NUP37: variants seen among roughly 807,000 people sequenced by gnomAD.
The protein encoded by NUP37 is nucleoporin Nup37.
A neutral mutation model predicts 45.4 loss-of-function variants in NUP37; 33 were observed. The ratio of observed to expected loss-of-function variants is 0.73; its 90% confidence interval spans 0.55 to 0.97. The LOEUF (loss-of-function observed/expected upper bound fraction) is 0.97, where lower values mean the gene tolerates loss of function less well. Ranked by LOEUF, NUP37 falls within the 50% of genes least tolerant of loss-of-function variation. The pLI is 0.00. For synonymous variants in NUP37, 127 were observed against 130.7 expected (o/e 0.97, Z 0.19); for missense variants, 365 against 389.7 (o/e 0.94, Z 0.53).
chr12:102,076,674 A>T, intron 8 of NUP37, 123 bp downstream of exon 8: 1 of 692,010 alleles, frequency 1.4e-6, no homozygotes, highest in Non-Finnish European at 2.4e-6. Flanking sequence ...TAAAATAACC[A>T]CTTATAAAAC....
chr12:102,091,134 C>T (rs1031992650), intron 5 of NUP37, among the ~76,000 whole-genome samples: 2 of 152,222 alleles, frequency 1.3e-5, no homozygotes, highest in East Asian at 1.9e-4. Context: ...CTGTGGCTCA[C>T]GCCTGTAATC....
At chr12:102,080,454 T>C (rs1275447591) in intron 6 of NUP37, among the ~76,000 whole-genome samples, 2 of 152,116 alleles carry the variant, frequency 1.3e-5, no homozygotes, top group African/African-American at 4.8e-5. Flanking sequence ...AAAATGATTC[T>C]TTAAGAACAG....
rs1161748310 is a variant in NUP37, at chr12:102,077,497, C to CCATT, written c.543_546dup (p.Val183AsnfsTer13). ...CGGATTGTTCCATTCTTCTCTGCAA[C>CCATT]CATTAGCTGTAAGACAGAAAAATAA... On this transcript the variant is annotated frameshift_variant, in exon 7 of 10. Transcript: ENST00000552283. LOFTEE classifies it high-confidence loss of function. 6.2e-7 allele frequency: 1 copy of CCATT among 1,611,952 alleles called. No homozygotes were observed. The highest frequency in any genetic ancestry group is 1.3e-5 in the African/African-American group (1 of 74,836).
At chr12:102,109,661 G>A (rs972740842) in intron 3 of NUP37, among the ~76,000 whole-genome samples, 3 of 152,138 alleles carry the variant, frequency 2.0e-5, no homozygotes, top group African/African-American at 7.2e-5. Context: ...TACTGAATTT[G>A]TATAGTTCCA....
intron 4 of NUP37, 35 bp from the exon 5 acceptor site, chr12:102,099,235 A>C (rs1368609660): frequency 1.4e-6 from 2 of 1,446,706 alleles, no homozygotes; most frequent in Non-Finnish European, 1.9e-6. Flanking sequence ...TTAGCAAGAA[A>C]ACAGAAAAAT....
At chr12:102,119,586 T>C (rs1880671311) in intron 1 of NUP37, among the ~76,000 whole-genome samples, 1 of 152,072 alleles carries the variant, frequency 6.6e-6, no homozygotes, top group Non-Finnish European at 1.5e-5. Context: ...AACAAACATA[T>C]CAAGCACCTT....
At chr12:102,114,443 CGT>C (rs892257883) in intron 2 of NUP37, among the ~76,000 whole-genome samples, 4 of 151,718 alleles carry the variant, frequency 2.6e-5, no homozygotes, top group Non-Finnish European at 5.9e-5. Flanking sequence ...CTAAAAGGCC[CGT>C]GTGTGTGTGT....
At chr12:102,082,948 T>C (rs781601611) in intron 6 of NUP37, among the ~76,000 whole-genome samples, 70 of 152,046 alleles carry the variant, frequency 4.6e-4, no homozygotes, top group Admixed American at 2.0e-4. Flanking sequence ...GAATTAAAGA[T>C]GATTTTAGGA....
At chr12:102,113,601 C>G (rs1201914149) in intron 2 of NUP37, among the ~76,000 whole-genome samples, 1 of 152,052 alleles carries the variant, frequency 6.6e-6, no homozygotes, top group African/African-American at 2.4e-5. Context: ...AATACCTGAA[C>G]TGGGTTTGAG....
At chr12:102,077,123 C>G (rs892417508) in intron 7 of NUP37, 199 bp downstream of exon 7, 1 of 635,886 alleles carries the variant, frequency 1.6e-6, no homozygotes, top group Non-Finnish European at 2.7e-6. Flanking sequence ...TTTGCACTGT[C>G]CTTTCTGGGT....
In NUP37 at chr12:102,085,754, A is replaced by G. The variant is rs762475317; in HGVS notation, c.540+12T>C. On this transcript the variant is annotated intron_variant, in intron 6 of 9. Transcript: ENST00000552283. ...TTCAATTTGATAAGAGAGTTAAATTATAAATAATAACCTTAAAAGTCTCCT... is the reference window on the plus strand; with the variant it reads ...TTCAATTTGATAAGAGAGTTAAATTGTAAATAATAACCTTAAAAGTCTCCT... The G allele has an allele frequency of 6.0e-6, 8 of 1,327,230 alleles. No homozygotes were observed. Among genetic ancestry groups the G allele is most frequent in the African/African-American group, 1.5e-5 (1 of 67,260 alleles). The allele number at this position is 1,327,230 out of a possible 1,614,324, so 82.2% of individuals were successfully genotyped here.
chr12:102,107,398 A>G (rs899404551), intron 3 of NUP37, among the ~76,000 whole-genome samples: 10 of 152,066 alleles, frequency 6.6e-5, no homozygotes, highest in African/African-American at 2.4e-4. Flanking sequence ...TATCTCCCCA[A>G]CCATTCTTCA....
intron 3 of NUP37, among the ~76,000 whole-genome samples, chr12:102,110,533 A>T (rs1424894780): frequency 1.3e-5 from 2 of 151,506 alleles, no homozygotes; most frequent in African/African-American, 4.9e-5. Flanking sequence ...AAAAAAAGAA[A>T]GATTGACAAT....
intron 3 of NUP37, among the ~76,000 whole-genome samples, chr12:102,110,962 T>C (rs1369254473): frequency 6.6e-6 from 1 of 152,214 alleles, no homozygotes; most frequent in East Asian, 1.9e-4. Flanking sequence ...AACATACATC[T>C]ACCCTGTGAC....
intron 2 of NUP37, among the ~76,000 whole-genome samples, chr12:102,113,825 A>C (rs1880384452): frequency 6.6e-6 from 1 of 152,204 alleles, no homozygotes; most frequent in African/African-American, 2.4e-5. Context: ...CTAAATGCAA[A>C]GTTTTATAAT....
chr12:102,118,560 C>T lies in NUP37; in HGVS notation c.-42G>A, dbSNP rs750086456. 3.2e-6 allele frequency: 5 copies of T among 1,581,792 alleles called. No homozygotes were observed. In the African/African-American group the frequency reaches 4.0e-5, roughly 13 times the overall value. ...CAAGCAGTTGTGAAAATTAAATAGC[C>T]TTCTACTGGACAAGGTCACGAAACT... On this transcript the variant is annotated 5_prime_UTR_variant, in exon 2 of 10. Transcript: ENST00000552283.
Position 102,077,325 on chromosome 12 carries a change from G to T in NUP37, c.719C>A (p.Ser240Tyr). The T allele has an allele frequency of 6.2e-7, 1 of 1,613,956 alleles. No individual in the cohort carries two copies. The highest frequency in any genetic ancestry group is 1.1e-5 in the South Asian group (1 of 91,056). ...GACAAACATATCAAGAAAGTACCTG[G>T]ACCGAGTAATATCCCAAATTAACCA... is the stretch of plus-strand genomic sequence containing the variant. ...NDWLIWDITR[S>Y]SYPQNKRPVH... Residue 240 changes from serine to tyrosine, a missense_variant, in exon 7 of 10, where the codon TCC becomes TAC. By Grantham distance (144) the Ser-to-Tyr change is moderately radical. Transcript: ENST00000552283.
chr12:102,088,663 T>C lies in NUP37; in HGVS notation c.450-2807A>G, dbSNP rs1879542187. Among the ~76,000 whole-genome samples the C allele has an allele frequency of 3.3e-5, 5 of 152,140 alleles. No homozygotes were observed. In the South Asian group the frequency reaches 1.0e-3, roughly 32 times the overall value. On this transcript the variant is annotated intron_variant, in intron 5 of 9. Coordinates refer to ENST00000552283, the MANE Select transcript of NUP37 (RefSeq NM_024057.4). The stretch of plus-strand genomic sequence containing the variant: ...TAGGTTTTGTGAGATTTACCACCAT[T>C]TGTTGCATGTTGTTGTAATTTGTTT...
chr12:102,077,284 T>G (rs1879198553), intron 7 of NUP37, 38 bp downstream of exon 7: 1 of 1,605,654 alleles, frequency 6.2e-7, no homozygotes. Context: ...TTACTGCCTT[T>G]TTTTGGTGTG....
Sources: gnomAD v4.1 joint callset for allele counts (sites outside exome capture counted in the v4.1 genomes callset) on GRCh38, gnomAD v4.1.1 for gene constraint, MANE v1.5 for transcripts, NCBI Gene and HGNC (gene_info 2026-07-23, HGNC 2026-07-21) for gene names.